The following UTRN variants were observed in gnomAD, a reference collection of about 807,000 sequenced individuals.
UTRN encodes the protein utrophin.
In UTRN, 283 loss-of-function variants were observed where a neutral mutation model predicts 463.9. That is an observed-to-expected ratio of 0.61 (90% confidence interval 0.55 to 0.67). The LOEUF (loss-of-function observed/expected upper bound fraction) is 0.67. Among genes scored for constraint, UTRN ranks in the 30% least tolerant of loss-of-function variants. UTRN has a pLI of 0.00. For missense variants in UTRN, 3,922 were observed against 4,084.3 expected (o/e 0.96, Z 1.08); for synonymous variants, 1,442 against 1,431.5 (o/e 1.01, Z -0.17).
chr6:144,579,074 A>G (rs778197507), intron 51 of UTRN, among the ~76,000 whole-genome samples: 1 of 152,178 alleles, frequency 6.6e-6, no homozygotes, highest in Non-Finnish European at 1.5e-5. Context: ...TGAGTTCTTA[A>G]GATTCATTTG....
chr6:144,577,370 A>G, intron 51 of UTRN, 82 bp downstream of exon 51: 1 of 1,416,386 alleles, frequency 7.1e-7, no homozygotes, highest in Non-Finnish European at 9.7e-7. Flanking sequence ...TGTTACCCTT[A>G]AAAGGTGAAG....
chr6:144,579,415 T>C (rs186870309), intron 51 of UTRN, among the ~76,000 whole-genome samples: 272 of 152,328 alleles, frequency 1.8e-3, no homozygotes, highest in African/African-American at 6.3e-3. Context: ...ATCTAGGCTG[T>C]GCACTTGAGT....
At chr6:144,317,483 G>C (rs937372440) in intron 2 of UTRN, among the ~76,000 whole-genome samples, 2 of 151,998 alleles carry the variant, frequency 1.3e-5, no homozygotes, top group African/African-American at 4.8e-5. Context: ...TGCAACCTCT[G>C]CCTCTCGGGT....
At chr6:144,695,939 G>A (rs1783957145) in intron 52 of UTRN, among the ~76,000 whole-genome samples, 1 of 152,120 alleles carries the variant, frequency 6.6e-6, no homozygotes, top group Non-Finnish European at 1.5e-5. Flanking sequence ...GCATAATGAT[G>A]TTTAATATAG....
intron 51 of UTRN, among the ~76,000 whole-genome samples, chr6:144,579,534 T>C (rs369535373): frequency 6.6e-6 from 1 of 152,198 alleles, no homozygotes; most frequent in African/African-American, 2.4e-5. Flanking sequence ...TTCTGACATA[T>C]TTTATCTTAG....
At chr6:144,576,440 T>G (rs1479885980) in intron 50 of UTRN, among the ~76,000 whole-genome samples, 1 of 152,178 alleles carries the variant, frequency 6.6e-6, no homozygotes, top group Non-Finnish European at 1.5e-5. Context: ...AATGAAGGGT[T>G]TATAGAAGCT....
chr6:144,702,447 A>G (rs1784690900), intron 53 of UTRN, among the ~76,000 whole-genome samples: 1 of 152,220 alleles, frequency 6.6e-6, no homozygotes. Flanking sequence ...ATGAACCAGC[A>G]TATTCTGGTC....
chr6:144,811,739 T>TTA (rs201646428), intron 65 of UTRN, among the ~76,000 whole-genome samples: 1 of 147,906 alleles, frequency 6.8e-6, no homozygotes, highest in African/African-American at 2.5e-5. Context: ...GTTTTATAGT[T>TTA]AAAAAAAAAA....
At chr6:144,727,848 G>T (rs1209038575) in intron 53 of UTRN, among the ~76,000 whole-genome samples, 5 of 152,230 alleles carry the variant, frequency 3.3e-5, no homozygotes, top group Admixed American at 2.6e-4. Context: ...CCCAGCACTT[G>T]GGAGGCCAAG....
chr6:144,463,827 T>C (rs1789659275), intron 23 of UTRN, among the ~76,000 whole-genome samples: 1 of 151,612 alleles, frequency 6.6e-6, no homozygotes, highest in East Asian at 1.9e-4. Context: ...TATATATAGA[T>C]AGATAGATTC....
intron 2 of UTRN, 29 bp downstream of exon 2, chr6:144,291,936 G>T: frequency 6.3e-7 from 1 of 1,588,284 alleles, no homozygotes; most frequent in Non-Finnish European, 8.6e-7. Flanking sequence ...AGAAAGCTAT[G>T]GATTTTTATG....
At chr6:144,722,024 C>A (rs1787235798) in intron 53 of UTRN, among the ~76,000 whole-genome samples, 1 of 152,158 alleles carries the variant, frequency 6.6e-6, no homozygotes, top group African/African-American at 2.4e-5. Context: ...TGTAAGAGCA[C>A]TTTTAGCTCA....
chr6:144,651,668 T>G (rs967965449), intron 51 of UTRN, among the ~76,000 whole-genome samples: 2 of 152,220 alleles, frequency 1.3e-5, no homozygotes, highest in Non-Finnish European at 2.9e-5. Flanking sequence ...GACTCAATTT[T>G]TAGTGAGGAA....
chr6:144,493,374 A>T lies in UTRN; in HGVS notation c.4511A>T (p.Gln1504Leu). Residue 1504 changes from glutamine to leucine, a missense_variant, in exon 33 of 75, where the codon CAG becomes CTG. Physicochemically the swap from Gln to Leu is moderately radical, Grantham distance 113. Coordinates refer to ENST00000367545, the MANE Select transcript of UTRN (RefSeq NM_007124.3). ...ATTAAAACAGGAAGACATATTGTCC[A>T]GAAACAGCAAACGGACAACCCAAAA... ...TVIKTGRHIVQKQQTDNPKGM... is the reference protein window; with the variant it reads ...TVIKTGRHIVLKQQTDNPKGM... 2 of 1,614,180 alleles carry T rather than the reference A, an allele frequency of 1.2e-6. No individual in the cohort carries two copies. Among genetic ancestry groups the T allele is most frequent in the Non-Finnish European group, 1.7e-6 (2 of 1,179,998 alleles).
At chr6:144,796,918 G>A (rs1451622300) in intron 63 of UTRN, among the ~76,000 whole-genome samples, 1 of 152,172 alleles carries the variant, frequency 6.6e-6, no homozygotes, top group Non-Finnish European at 1.5e-5. Context: ...GACCTCAACA[G>A]CAACAGGAGG....
At chr6:144,717,812 T>C (rs887842308) in intron 53 of UTRN, among the ~76,000 whole-genome samples, 4 of 151,614 alleles carry the variant, frequency 2.6e-5, no homozygotes, top group Non-Finnish European at 5.9e-5. Flanking sequence ...ATTTTTGTAT[T>C]TTTAGTAGAG....
At chr6:144,714,766 A>G (rs1312222654) in intron 53 of UTRN, among the ~76,000 whole-genome samples, 1 of 152,154 alleles carries the variant, frequency 6.6e-6, no homozygotes, top group Admixed American at 6.5e-5. Flanking sequence ...TCTGAGTTAC[A>G]TGCCCCTTGT....
chr6:144,550,904 T>C, intron 47 of UTRN, 61 bp from the exon 48 acceptor site: 1 of 1,402,566 alleles, frequency 7.1e-7, no homozygotes, highest in Non-Finnish European at 9.6e-7. Context: ...ACAACTGTTT[T>C]GCTTATTATT....
intron 51 of UTRN, among the ~76,000 whole-genome samples, chr6:144,641,366 G>C (rs575266024): frequency 2.6e-5 from 4 of 152,260 alleles, no homozygotes; most frequent in African/African-American, 9.6e-5. Flanking sequence ...AGAATGTCTG[G>C]GTTACAATAA....
Sources: allele counts gnomAD v4.1 joint callset (sites outside exome capture counted in the v4.1 genomes callset), GRCh38; gene constraint gnomAD v4.1.1; transcripts MANE v1.5; gene names NCBI Gene and HGNC (gene_info 2026-07-23, HGNC 2026-07-21).